MAP2: variants seen among roughly 807,000 people sequenced by gnomAD.
MAP2 encodes microtubule associated protein 2, also known as microtubule-associated protein 2.
MAP2 carries 14 observed loss-of-function variants against 137.6 expected under a neutral mutation model. That is an observed-to-expected ratio of 0.10 (90% CI 0.07 to 0.16). The LOEUF (loss-of-function observed/expected upper bound fraction) is 0.16, where lower values mean the gene tolerates loss of function less well. Ranked by LOEUF, MAP2 falls within the 10% of genes least tolerant of loss-of-function variation. The pLI, the probability that MAP2 is intolerant of heterozygous loss-of-function variation, is 1.00. For synonymous variants in MAP2, 786 were observed against 782.3 expected, an observed-to-expected ratio of 1.00 and a Z score of -0.08; for missense variants, 2,088 against 2,191.5, an observed-to-expected ratio of 0.95 and a Z score of 0.94.
chr2:209,459,950 C>T (rs1702373656), intron 1 of MAP2, among the ~76,000 whole-genome samples: 2 of 152,294 alleles, frequency 1.3e-5, no homozygotes, highest in Admixed American at 1.3e-4. Context: ...TCTTGCACAT[C>T]AGCCACAACC....
intron 1 of MAP2, among the ~76,000 whole-genome samples, chr2:209,506,637 T>G (rs2061099738): frequency 6.6e-6 from 1 of 152,208 alleles, no homozygotes; most frequent in Non-Finnish European, 1.5e-5. Flanking sequence ...TTTACCTTCT[T>G]TATACTTCCA....
In MAP2 at chr2:209,678,633, T is replaced by C. The variant is rs757856544; in HGVS notation, c.324T>C (p.Gly108=). Reference sequence around the variant, plus strand: ...CTGAGGCTGTAGCAGTCCTGAAAGGTGAACAAGAGAAAGAAGCTCAACATA... The same window carrying C: ...CTGAGGCTGTAGCAGTCCTGAAAGGCGAACAAGAGAAAGAAGCTCAACATA... ...VTAEAVAVLK[G]EQEKEAQHKD... The change falls in exon 6 of 16, where the codon GGT becomes GGC. Residue 108 remains glycine (G), a synonymous_variant. Coordinates refer to ENST00000682079, the MANE Select transcript of MAP2 (RefSeq NM_001375505.1). 8.7e-6 allele frequency: 14 copies of C among 1,607,130 alleles called. No homozygotes were observed. In the African/African-American group the frequency reaches 1.9e-4, roughly 22 times the overall value.
chr2:209,448,523 A>C (rs1348095387), intron 1 of MAP2, among the ~76,000 whole-genome samples: 2 of 152,252 alleles, frequency 1.3e-5, no homozygotes, highest in Middle Eastern at 3.4e-3. Flanking sequence ...AACAATAGAA[A>C]TGTATTCTCT....
chr2:209,726,521 A>G (rs2153813781), intron 14 of MAP2, among the ~76,000 whole-genome samples: 1 of 152,282 alleles, frequency 6.6e-6, no homozygotes, highest in African/African-American at 2.4e-5. Flanking sequence ...CACTTTGGGA[A>G]TCCAAGGCAG....
intron 3 of MAP2, among the ~76,000 whole-genome samples, chr2:209,585,539 C>T (rs2077487585): frequency 6.6e-6 from 1 of 152,006 alleles, no homozygotes; most frequent in Non-Finnish European, 1.5e-5. Flanking sequence ...TATCCTATTG[C>T]TTTTAAAATT....
chr2:209,659,411 T>C (rs1283017614), intron 5 of MAP2, among the ~76,000 whole-genome samples: 1 of 152,184 alleles, frequency 6.6e-6, no homozygotes, highest in Non-Finnish European at 1.5e-5. Context: ...GTAGATAATA[T>C]GACTACTACC....
Position 209,596,152 on chromosome 2 carries a change from A to G in MAP2, c.-107+16052A>G, listed in dbSNP as rs555625297. On this transcript the variant is annotated intron_variant, in intron 3 of 15. Transcript: ENST00000682079. ...AGAAAATAAAAATAACAGTAAAGTG[A>G]CTTCATTGTAAAAATTGAAGAGGAG... Among the ~76,000 whole-genome samples the G allele has an allele frequency of 2.0e-5, 3 of 152,292 alleles. No individual in the cohort carries two copies. The East Asian group carries it at 5.8e-4, about 29-fold the overall frequency.
At chr2:209,487,409 T>A (rs1302153480) in intron 1 of MAP2, among the ~76,000 whole-genome samples, 2 of 152,158 alleles carry the variant, frequency 1.3e-5, no homozygotes, top group Admixed American at 6.5e-5. Context: ...AAAATGATGG[T>A]TTGGTAGGCC....
chr2:209,717,100 AT>A (rs1319804619), intron 13 of MAP2, among the ~76,000 whole-genome samples: 4 of 152,184 alleles, frequency 2.6e-5, no homozygotes, highest in Non-Finnish European at 5.9e-5. Flanking sequence ...TTTAGGCATT[AT>A]CTGTATTAGT....
At chr2:209,474,653 C>T (rs773240275) in intron 1 of MAP2, among the ~76,000 whole-genome samples, 8 of 151,770 alleles carry the variant, frequency 5.3e-5, no homozygotes, top group East Asian at 1.9e-4. Flanking sequence ...ATTAACTGTT[C>T]GTATAAGTAA....
intron 1 of MAP2, among the ~76,000 whole-genome samples, chr2:209,483,786 G>A (rs925719615): frequency 3.9e-5 from 6 of 152,112 alleles, no homozygotes; most frequent in Non-Finnish European, 8.8e-5. Context: ...AGTCACATGA[G>A]CATCTTTTGC....
chr2:209,461,782 T>C (rs764782974), intron 1 of MAP2, among the ~76,000 whole-genome samples: 2 of 152,194 alleles, frequency 1.3e-5, no homozygotes, highest in Non-Finnish European at 2.9e-5. Context: ...TTTTATTGTT[T>C]GTTTCTTTGG....
chr2:209,434,833 C>CTCTCTCTCTCTCTATATGT (rs397966694), intron 1 of MAP2, among the ~76,000 whole-genome samples: 1 of 93,198 alleles, frequency 1.1e-5, no homozygotes, highest in African/African-American at 4.0e-5. Flanking sequence ...CTCTCTCTCT[C>CTCTCTCTCTCTCTATATGT]TATATATATA....
chr2:209,582,657 T>TGATAGATA (rs66881504), intron 3 of MAP2, among the ~76,000 whole-genome samples: 2,994 of 149,720 alleles, frequency 0.02, 40 homozygotes, highest in East Asian at 0.039. Context: ...GATAGATAGA[T>TGATAGATA]GATAGATAGA....
At chr2:209,429,991 G>C (rs1019078854) in intron 1 of MAP2, among the ~76,000 whole-genome samples, 4 of 151,812 alleles carry the variant, frequency 2.6e-5, no homozygotes, top group African/African-American at 9.7e-5. Context: ...TCTCAAATTG[G>C]TAATTTTCTC....
intron 1 of MAP2, among the ~76,000 whole-genome samples, chr2:209,471,953 A>C (rs1476283225): frequency 1.3e-5 from 2 of 152,126 alleles, no homozygotes; most frequent in African/African-American, 4.8e-5. Flanking sequence ...TTTATGGTTA[A>C]AAGGAGTTTC....
In MAP2 at chr2:209,730,559, G is replaced by A. The variant is rs561407288; in HGVS notation, c.*162G>A. 1 of 616,316 alleles carries A rather than the reference G, an allele frequency of 1.6e-6. No individual in the cohort carries two copies. Among genetic ancestry groups the A allele is most frequent in the African/African-American group, 1.8e-5 (1 of 54,256 alleles). The allele number at this position is 616,316 out of a possible 1,614,324, so 38.2% of individuals were successfully genotyped here. On this transcript the variant is annotated 3_prime_UTR_variant, in exon 16 of 16. Transcript: ENST00000682079. The stretch of plus-strand genomic sequence containing the variant: ...CAATTTTCTATTTAAAAAATGAATA[G>A]TACATGCAGAAATTGACCTGATTTC...
rs12328000 is a variant in MAP2, at chr2:209,627,500, T to C, written c.-30+2371T>C. On this transcript the variant is annotated intron_variant, in intron 4 of 15. Transcript: ENST00000682079. Reference sequence around the variant, plus strand: ...GTCAGAAATGCATTACCATTTTGCATAGGAGGCAAATAAGGCCCAAATACC... The same window carrying C: ...GTCAGAAATGCATTACCATTTTGCACAGGAGGCAAATAAGGCCCAAATACC... 4.9e-3 allele frequency among the ~76,000 whole-genome samples: 743 copies of C among 152,260 alleles called. 3 individuals are homozygous for C. Among genetic ancestry groups the C allele is most frequent in the African/African-American group, 0.017 (716 of 41,554 alleles).
At chr2:209,721,263 A>G (rs1165885366) in intron 13 of MAP2, among the ~76,000 whole-genome samples, 1 of 152,220 alleles carries the variant, frequency 6.6e-6, no homozygotes, top group Non-Finnish European at 1.5e-5. Context: ...AGCGCGATGG[A>G]AAACAAAGGT....
Sources: gnomAD v4.1 joint callset for allele counts (sites outside exome capture counted in the v4.1 genomes callset) on GRCh38, gnomAD v4.1.1 for gene constraint, MANE v1.5 for transcripts, NCBI Gene and HGNC (gene_info 2026-07-23, HGNC 2026-07-21) for gene names.